Variants in SPTAN1 observed in about 807,000 individuals in gnomAD.
SPTAN1 encodes spectrin alpha chain, non-erythrocytic 1.
SPTAN1 carries 61 observed loss-of-function variants against 331.3 expected under a neutral mutation model. That is an observed-to-expected ratio of 0.18 (90% confidence interval 0.15 to 0.23). The LOEUF (loss-of-function observed/expected upper bound fraction) is 0.23, where lower values mean the gene tolerates loss of function less well. Ranked by LOEUF, SPTAN1 falls within the 10% of genes least tolerant of loss-of-function variation. The pLI, the probability that SPTAN1 is intolerant of heterozygous loss-of-function variation, is 1.00. For missense variants in SPTAN1, 2,043 were observed against 3,147.9 expected (o/e 0.65, Z 8.40); for synonymous variants, 1,153 against 1,173.9 (o/e 0.98, Z 0.36).
At chr9:128,613,120 A>G (rs1483458647) in intron 39 of SPTAN1, among the ~76,000 whole-genome samples, 1 of 152,068 alleles carries the variant, frequency 6.6e-6, no homozygotes, top group Non-Finnish European at 1.5e-5. Context: ...TCCTTGAACT[A>G]GGATTGCTGT....
chr9:128,598,921 ATTTC>A (rs768081397), intron 25 of SPTAN1, 38 bp from the exon 26 acceptor site: 13 of 1,584,796 alleles, frequency 8.2e-6, no homozygotes, highest in Non-Finnish European at 1.1e-5. Flanking sequence ...AGAGATGTGT[ATTTC>A]TTCTAATAAT....
intron 37 of SPTAN1, 70 bp downstream of exon 37, chr9:128,609,735 ATTG>A: frequency 3.9e-6 from 4 of 1,019,706 alleles, no homozygotes; most frequent in South Asian, 1.8e-5. Flanking sequence ...TGCGTAGATT[ATTG>A]TTATTATTGT....
chr9:128,566,340 G>A (rs1019099403), intron 1 of SPTAN1, among the ~76,000 whole-genome samples: 2 of 152,112 alleles, frequency 1.3e-5, no homozygotes, highest in African/African-American at 2.4e-5. Flanking sequence ...ACAAGTGTGC[G>A]CCACCGCACC....
chr9:128,585,756 G>T lies in SPTAN1; in HGVS notation c.2569G>T (p.Ala857Ser). ...GNAMVEEGHF[A>S]AEDVKAKLHE... The stretch of plus-strand genomic sequence containing the variant: ...CCCTACCCATCTTCCAGGCCATTTT[G>T]CTGCAGAGGATGTGAAGGCCAAGCT... Residue 857 changes from alanine (A) to serine (S), a missense_variant, in exon 19 of 57, where the codon GCT becomes TCT. Around this residue, in one of 12 missense-constraint regions of SPTAN1, gnomAD observed 1,038 missense variants for 1,531.5 expected, o/e 0.68. Coordinates refer to ENST00000372739, the MANE Select transcript of SPTAN1 (RefSeq NM_001130438.3). 1.2e-6 allele frequency: 2 copies of T among 1,614,052 alleles called. No individual in the cohort carries two copies. Among genetic ancestry groups the T allele is most frequent in the South Asian group, 2.2e-5 (2 of 91,080 alleles).
Position 128,618,957 on chromosome 9 carries a change from C to T in SPTAN1, c.5687C>T (p.Thr1896Ile). ...GAAGCCTGGATCAATGAGAAAATGA[C>T]CCTGGTGGCCAGCGAAGATTATGGC... ...EEEAWINEKM[T>I]LVASEDYGDT... The change falls in exon 44 of 57, where the codon ACC becomes ATC. Residue 1896 changes from threonine to isoleucine, a missense_variant. Around this residue, in one of 12 missense-constraint regions of SPTAN1, gnomAD observed 323 missense variants for 581.1 expected, o/e 0.56. Coordinates refer to ENST00000372739, the MANE Select transcript of SPTAN1 (RefSeq NM_001130438.3). 6.2e-7 allele frequency: 1 copy of T among 1,614,044 alleles called. No homozygotes were observed. The highest frequency in any genetic ancestry group is 8.5e-7 in the Non-Finnish European group (1 of 1,179,968).
chr9:128,630,140 G>A (rs1171121361), intron 51 of SPTAN1, 181 bp from the exon 52 acceptor site: 1 of 776,642 alleles, frequency 1.3e-6, no homozygotes, highest in African/African-American at 1.7e-5. Context: ...CGGGAGAAAT[G>A]CTCCCTGCCA....
At chr9:128,572,707 A>G (rs1850876295) in intron 3 of SPTAN1, among the ~76,000 whole-genome samples, 1 of 152,176 alleles carries the variant, frequency 6.6e-6, no homozygotes, top group Admixed American at 6.5e-5. Flanking sequence ...GGTGGGTGGC[A>G]TGTGAGGGCA....
At chr9:128,594,096 C>G in intron 23 of SPTAN1, 79 bp from the exon 24 acceptor site, 1 of 1,372,248 alleles carries the variant, frequency 7.3e-7, no homozygotes, top group Non-Finnish European at 1.0e-6. Flanking sequence ...TTGGAGACAC[C>G]TCGTGGTTTG....
intron 1 of SPTAN1, among the ~76,000 whole-genome samples, chr9:128,558,595 A>T (rs530770826): frequency 6.6e-6 from 1 of 152,084 alleles, no homozygotes; most frequent in East Asian, 1.9e-4. Flanking sequence ...GTAAGATTGG[A>T]GTTTGTTTTT....
At chr9:128,603,213 T>C (rs1855404624) in intron 27 of SPTAN1, among the ~76,000 whole-genome samples, 1 of 152,128 alleles carries the variant, frequency 6.6e-6, no homozygotes, top group Non-Finnish European at 1.5e-5. Flanking sequence ...AATGTTCTCC[T>C]GTAGTATAGA....
At chr9:128,601,001 T>TC (rs1589280716) in intron 27 of SPTAN1, among the ~76,000 whole-genome samples, 1 of 135,708 alleles carries the variant, frequency 7.4e-6, no homozygotes, top group African/African-American at 2.8e-5. Flanking sequence ...TTTTTTTTTT[T>TC]GAGACGGAGT....
At chr9:128,569,347 T>TA (rs1317518160) in intron 3 of SPTAN1, among the ~76,000 whole-genome samples, 9 of 151,972 alleles carry the variant, frequency 5.9e-5, no homozygotes, top group African/African-American at 1.9e-4. Context: ...GCAAGCCTGT[T>TA]AAAGCTCCAG....
intron 1 of SPTAN1, among the ~76,000 whole-genome samples, chr9:128,554,766 C>G (rs1848462330): frequency 6.6e-6 from 1 of 152,268 alleles, no homozygotes; most frequent in African/African-American, 2.4e-5. Context: ...GACTGCATAG[C>G]TCATCACTGG....
At position 128,625,087 on chromosome 9, in the gene SPTAN1, A is replaced by G; in HGVS notation, c.5993-16A>G. ...CACTGAGGAGGGCAGTATATTTTCC[A>G]CACTTCGTTTTCTAGGTGAAAAGGA... On this transcript the variant is annotated splice_polypyrimidine_tract_variant and intron_variant, in intron 46 of 56. Transcript: ENST00000372739. This position sits in a 1 kb window ranked among gnomAD's most constrained non-coding sequence, Gnocchi z 4.1. The G allele has an allele frequency of 1.9e-6, 3 of 1,613,782 alleles. No homozygotes were observed. Among genetic ancestry groups the G allele is most frequent in the East Asian group, 2.2e-5 (1 of 44,876 alleles).
rs1860074583 is a variant in SPTAN1, at chr9:128,633,093, G to T, written c.7309-116G>T. ...CAAATCAAACTCAGTATGGACAGAAGTCCCGGATCTGCTTGTAGAAGCAGC... is the reference window on the plus strand; with the variant it reads ...CAAATCAAACTCAGTATGGACAGAATTCCCGGATCTGCTTGTAGAAGCAGC... On this transcript the variant is annotated intron_variant, in intron 56 of 56. Transcript: ENST00000372739. 2.5e-6 allele frequency: 4 copies of T among 1,595,380 alleles called. No individual in the cohort carries two copies. In the East Asian group the frequency reaches 9.0e-5, roughly 36 times the overall value.
At chr9:128,591,752 C>G (rs1853563643) in intron 22 of SPTAN1, 127 bp downstream of exon 22, 1 of 1,213,016 alleles carries the variant, frequency 8.2e-7, no homozygotes, top group African/African-American at 1.5e-5. Flanking sequence ...CTGTCTCCAC[C>G]CCACTTTGAG....
In SPTAN1 at chr9:128,584,314, C is replaced by T; in HGVS notation, c.2226C>T (p.Arg742=). 1 of 1,614,224 alleles carries T rather than the reference C, an allele frequency of 6.2e-7. No individual in the cohort carries two copies. Among genetic ancestry groups the T allele is most frequent in the Non-Finnish European group, 8.5e-7 (1 of 1,180,036 alleles). Reference sequence around the variant, plus strand: ...TTGATGGCATCACCATTCAGGCCCGCCAGTTCCAAGATGCTGGCCATTTTG... The same window carrying T: ...TTGATGGCATCACCATTCAGGCCCGTCAGTTCCAAGATGCTGGCCATTTTG... ...DRIDGITIQA[R]QFQDAGHFDA... The change falls in exon 17 of 57, where the codon CGC becomes CGT. Residue 742 remains arginine, a synonymous_variant. Coordinates refer to ENST00000372739, the MANE Select transcript of SPTAN1 (RefSeq NM_001130438.3).
chr9:128,595,924 G>C (rs890629233), intron 24 of SPTAN1: 1 of 151,392 alleles, frequency 6.6e-6, no homozygotes, highest in African/African-American at 2.4e-5. Context: ...GCTTACTGCA[G>C]CCTCCGCTTC....
chr9:128,587,079 G>A (rs1473486550), intron 19 of SPTAN1, among the ~76,000 whole-genome samples: 1 of 150,440 alleles, frequency 6.6e-6, no homozygotes, highest in South Asian at 2.1e-4. Flanking sequence ...CCTCAGCCTC[G>A]CAAAGTCCTG....
Sources: gnomAD v4.1 joint callset for allele counts (sites outside exome capture counted in the v4.1 genomes callset) on GRCh38, gnomAD v4.1.1 for gene constraint, gnomAD v4.1.1 regional missense constraint, Gnocchi (gnomAD v3.1) non-coding constraint, MANE v1.5 for transcripts, NCBI Gene and HGNC (gene_info 2026-07-23, HGNC 2026-07-21) for gene names.